The following ICAM1 variants were observed in gnomAD, a reference collection of about 807,000 sequenced individuals.
ICAM1 encodes ICAM-1.
Under a neutral mutation model 42.3 loss-of-function variants are expected in ICAM1, and 28 were observed. That is an observed-to-expected ratio of 0.66 (90% confidence interval 0.49 to 0.91). ICAM1 has a LOEUF of 0.91. Among genes scored for constraint, ICAM1 ranks in the 40% least tolerant of loss-of-function variants. The pLI, the probability that ICAM1 is intolerant of heterozygous loss-of-function variation, is 0.00. For missense variants in ICAM1, 637 were observed against 688.6 expected (o/e 0.93, Z 0.84); for synonymous variants, 304 against 305.9 (o/e 0.99, Z 0.07).
At chr19:10,275,317 C>T (rs1477829786) in intron 2 of ICAM1, among the ~76,000 whole-genome samples, 1 of 152,160 alleles carries the variant, frequency 6.6e-6, no homozygotes, top group Non-Finnish European at 1.5e-5. Flanking sequence ...GCCAACATGG[C>T]GAAACCCTGT....
At chr19:10,280,331 A>T (rs538824414) in intron 2 of ICAM1, among the ~76,000 whole-genome samples, 65 of 151,974 alleles carry the variant, frequency 4.3e-4, no homozygotes, top group African/African-American at 1.0e-3. Context: ...ATATATATAT[A>T]TATTTTTTTG....
intron 2 of ICAM1, among the ~76,000 whole-genome samples, chr19:10,276,673 G>T (rs1265022739): frequency 6.6e-6 from 1 of 150,576 alleles, no homozygotes; most frequent in Non-Finnish European, 1.5e-5. Context: ...TTGGGCATCA[G>T]TTCTCAAAAT....
rs751230621 is a variant in ICAM1 at position 10,275,039 on chromosome 19, G to A, written c.331+11G>A. 8.7e-6 allele frequency: 14 copies of A among 1,612,120 alleles called. 1 individual carries two copies. In the South Asian group the frequency reaches 1.4e-4, roughly 16 times the overall value. On this transcript the variant is annotated intron_variant, in intron 2 of 6. Coordinates refer to ENST00000264832, the MANE Select transcript of ICAM1 (RefSeq NM_000201.3). Reference sequence around the variant, plus strand: ...TCCTCACCGTGTACTGTGAGTAACTGAGCCCGGAGGGCTGGACTAGGCAGA... The same window carrying A: ...TCCTCACCGTGTACTGTGAGTAACTAAGCCCGGAGGGCTGGACTAGGCAGA...
chr19:10,286,010 T>A lies in ICAM1; in HGVS notation c.*723T>A, dbSNP rs1477814689. On this transcript the variant is annotated 3_prime_UTR_variant, in exon 7 of 7. Coordinates refer to ENST00000264832, the MANE Select transcript of ICAM1 (RefSeq NM_000201.3). ...TGCCTTTCCCCAGAAGGAGTGATTT[T>A]TCTATCGGCACAAAAGCACTATATG... 1 of 152,434 alleles carries A rather than the reference T, an allele frequency of 6.6e-6. No homozygotes were observed. Among genetic ancestry groups the A allele is most frequent in the Admixed American group, 6.6e-5 (1 of 15,264 alleles). The allele number at this position is 152,434 out of a possible 1,614,324, so 9.4% of individuals were successfully genotyped here. A position where few individuals can be genotyped will look rare whatever the true frequency, so the allele number is the denominator to read the frequency against.
rs2040078232 is a variant in ICAM1 at position 10,283,646 on chromosome 19, C to A, written c.497C>A (p.Pro166His). The change falls in exon 3 of 7, where the codon CCC (proline) becomes CAC (histidine). Residue 166 changes from proline to histidine, a missense_variant. Pro to His is a moderately conservative substitution (Grantham distance 77). Coordinates refer to ENST00000264832, the MANE Select transcript of ICAM1 (RefSeq NM_000201.3). ...AAACGGGAGCCAGCTGTGGGGGAGC[C>A]CGCTGAGGTCACGACCACGGTGCTG... ...ELKREPAVGE[P>H]AEVTTTVLVR... 6.2e-7 allele frequency: 1 copy of A among 1,613,838 alleles called. No homozygotes were observed. The highest frequency in any genetic ancestry group is 8.5e-7 in the Non-Finnish European group (1 of 1,179,950).
In ICAM1 at chr19:10,274,800, A is replaced by T. The variant is rs1041158342; in HGVS notation, c.103A>T (p.Lys35Ter). ...GNAQTSVSPS[K>*]VILPRGGSVL... ...TGCCCAGACATCTGTGTCCCCCTCAAAAGTCATCCTGCCCCGGGGAGGCTC... is the reference window on the plus strand; with the variant it reads ...TGCCCAGACATCTGTGTCCCCCTCATAAGTCATCCTGCCCCGGGGAGGCTC... The change falls in exon 2 of 7, where the codon AAA becomes TAA. Residue 35 changes from lysine to a stop codon, truncating the protein, a stop_gained. Coordinates refer to ENST00000264832, the MANE Select transcript of ICAM1 (RefSeq NM_000201.3). LOFTEE classifies it high-confidence loss of function. The T allele has an allele frequency of 1.6e-5, 26 of 1,613,862 alleles. No individual in the cohort carries two copies. The highest frequency in any genetic ancestry group is 2.1e-5 in the Non-Finnish European group (25 of 1,179,972).
At chr19:10,271,859 AC>A (rs1817647469) in intron 1 of ICAM1, among the ~76,000 whole-genome samples, 1 of 151,906 alleles carries the variant, frequency 6.6e-6, no homozygotes, top group South Asian at 2.1e-4. Flanking sequence ...GAGAAGTGGG[AC>A]GCCCCAGCAC....
intron 1 of ICAM1, among the ~76,000 whole-genome samples, chr19:10,273,577 A>G (rs186300858): frequency 9.4e-4 from 143 of 152,016 alleles, no homozygotes; most frequent in Non-Finnish European, 2.4e-4. Context: ...AGATGGGAGG[A>G]TCACTTGAGC....
rs879187037 is a variant in ICAM1, at chr19:10,271,338, G to A, written c.67+112G>A. On this transcript the variant is annotated intron_variant, in intron 1 of 6. Transcript: ENST00000264832. ...AGCTGTTTATGGGAAGGAGGGGCTAGAGACAGCGATTGAAAGGCAACAGCC... is the reference window on the plus strand; with the variant it reads ...AGCTGTTTATGGGAAGGAGGGGCTAAAGACAGCGATTGAAAGGCAACAGCC... 1.8e-5 allele frequency: 16 copies of A among 907,516 alleles called. No homozygotes were observed. The South Asian group carries it at 2.3e-4, about 13-fold the overall frequency. The allele number at this position is 907,516 out of a possible 1,614,324, so 56.2% of individuals were successfully genotyped here. A position where few individuals can be genotyped will look rare whatever the true frequency, so the allele number is the denominator to read the frequency against.
Position 10,285,385 on chromosome 19 carries a change from C to T in ICAM1, c.*98C>T. Reference sequence around the variant, plus strand: ...GAAGACATATGCCATGCAGCTACACCTACCGGCCCTGGGACGCCGGAGGAC... The same window carrying T: ...GAAGACATATGCCATGCAGCTACACTTACCGGCCCTGGGACGCCGGAGGAC... On this transcript the variant is annotated 3_prime_UTR_variant, in exon 7 of 7. Coordinates refer to ENST00000264832, the MANE Select transcript of ICAM1 (RefSeq NM_000201.3). The T allele has an allele frequency of 3.3e-6, 4 of 1,212,630 alleles. No homozygotes were observed. The highest frequency in any genetic ancestry group is 3.5e-6 in the Non-Finnish European group (3 of 862,934). 75.1% of individuals were successfully genotyped at this position (1,212,630 alleles called of 1,614,324 possible).
At chr19:10,274,605 A>G (rs1447201321) in intron 1 of ICAM1, among the ~76,000 whole-genome samples, 160 bp from the exon 2 acceptor site, 1 of 152,124 alleles carries the variant, frequency 6.6e-6, no homozygotes, top group African/African-American at 2.4e-5. Context: ...GTGAGCCACC[A>G]CACCCGGCCT....
rs749524458 is a variant in ICAM1 at position 10,285,133 on chromosome 19, T to C, written c.1445T>C (p.Val482Ala). ...CCCACAGCCCCCCGGTATGAGATTG[T>C]CATCATCACTGTGGTAGCAGCCGCA... ...VNVLSPRYEIVIITVVAAAVI... is the reference protein window; with the variant it reads ...VNVLSPRYEIAIITVVAAAVI... The change falls in exon 7 of 7, where the codon GTC (valine) becomes GCC (alanine). Residue 482 changes from valine (V) to alanine (A), a missense_variant. Physicochemically the swap from Val to Ala is moderately conservative, Grantham distance 64. Coordinates refer to ENST00000264832, the MANE Select transcript of ICAM1 (RefSeq NM_000201.3). 1 of 1,614,046 alleles carries C rather than the reference T, an allele frequency of 6.2e-7. No individual in the cohort carries two copies. The highest frequency in any genetic ancestry group is 8.5e-7 in the Non-Finnish European group (1 of 1,179,974).
At chr19:10,283,837 A>G in intron 3 of ICAM1, 51 bp downstream of exon 3, 1 of 1,526,004 alleles carries the variant, frequency 6.6e-7, no homozygotes, top group Admixed American at 1.9e-5. Context: ...GGTATCCTGC[A>G]ATGCGGTGCC....
At chr19:10,278,221 G>T (rs2040030589) in intron 2 of ICAM1, among the ~76,000 whole-genome samples, 5 of 152,228 alleles carry the variant, frequency 3.3e-5, no homozygotes, top group Middle Eastern at 6.8e-3. Context: ...TGGCCAAGTA[G>T]CTTTGGGATT....
At chr19:10,275,510 G>A (rs1032372590) in intron 2 of ICAM1, among the ~76,000 whole-genome samples, 3 of 151,798 alleles carry the variant, frequency 2.0e-5, no homozygotes, top group Admixed American at 6.6e-5. Context: ...AAAAAAAAAT[G>A]CCATCTCTCT....
Position 10,284,114 on chromosome 19 carries a change from A to G in ICAM1, c.719A>G (p.Asp240Gly). ...CAGGGGACCGTGGTCTGTTCCCTGG[A>G]CGGGCTGTTCCCAGTCTCGGAGGCC... ...DTQGTVVCSL[D>G]GLFPVSEAQV... The change falls in exon 4 of 7, where the codon GAC becomes GGC. Residue 240 changes from aspartate (D) to glycine (G), a missense_variant. Coordinates refer to ENST00000264832, the MANE Select transcript of ICAM1 (RefSeq NM_000201.3). This position sits in a 1 kb window ranked among gnomAD's most constrained non-coding sequence, Gnocchi z 5.4. 1 of 1,613,646 alleles carries G rather than the reference A, an allele frequency of 6.2e-7. No individual in the cohort carries two copies. The highest frequency in any genetic ancestry group is 8.5e-7 in the Non-Finnish European group (1 of 1,179,902).
intron 1 of ICAM1, among the ~76,000 whole-genome samples, chr19:10,273,348 C>T (rs1015070355): frequency 6.6e-6 from 1 of 151,928 alleles, no homozygotes; most frequent in African/African-American, 2.4e-5. Flanking sequence ...CAAAATTACC[C>T]GGGCGTGGTG....
rs5030392 is a variant in ICAM1 at position 10,277,801 on chromosome 19, C to T, written c.331+2773C>T. On this transcript the variant is annotated intron_variant, in intron 2 of 6. Transcript: ENST00000264832. ...GCCCCCAGCCGAGAATTTCTCTTTG[C>T]GTCCTTCCTACTTTGGGGACTTCGA... 5.7e-3 allele frequency among the ~76,000 whole-genome samples: 862 copies of T among 152,268 alleles called. 7 individuals are homozygous for T. The highest frequency in any genetic ancestry group is 9.5e-3 in the Non-Finnish European group (649 of 68,018).
chr19:10,281,368 C>A (rs1369823297), intron 2 of ICAM1, among the ~76,000 whole-genome samples: 1 of 151,782 alleles, frequency 6.6e-6, no homozygotes, highest in East Asian at 1.9e-4. Context: ...CAAATGACCC[C>A]GCCTTGGCAT....
Sources: gnomAD v4.1 joint callset for allele counts (sites outside exome capture counted in the v4.1 genomes callset) on GRCh38, gnomAD v4.1.1 for gene constraint, Gnocchi (gnomAD v3.1) non-coding constraint, MANE v1.5 for transcripts, NCBI Gene and HGNC (gene_info 2026-07-23, HGNC 2026-07-21) for gene names.